Variants in RBFOX2 observed in about 807,000 individuals in gnomAD.
The protein encoded by RBFOX2 is RNA binding protein fox-1 homolog 2.
Under a neutral mutation model 49.1 loss-of-function variants are expected in RBFOX2, and 10 were observed. The observed-to-expected ratio is 0.20, with a 90% CI of 0.13 to 0.35. The LOEUF (loss-of-function observed/expected upper bound fraction) is 0.35. Ranked by LOEUF, RBFOX2 falls within the 10% of genes least tolerant of loss-of-function variation. The probability of loss-of-function intolerance (pLI) is 1.00; values close to 1 mark genes in which losing one functional copy is unlikely to be tolerated. For missense variants in RBFOX2, 323 were observed against 486.9 expected (o/e 0.66, Z 3.17); for synonymous variants, 183 against 187.4 (o/e 0.98, Z 0.19).
chr22:35,985,620 G>A (rs2057672848), intron 1 of RBFOX2, among the ~76,000 whole-genome samples: 1 of 152,162 alleles, frequency 6.6e-6, no homozygotes, highest in Non-Finnish European at 1.5e-5. Flanking sequence ...ATGTGTGGGA[G>A]CCACACCAAA....
At chr22:35,746,065 G>A in intron 10 of RBFOX2, 70 bp from the exon 13 acceptor site, 1 of 1,348,528 alleles carries the variant, frequency 7.4e-7, no homozygotes, top group Non-Finnish European at 1.1e-6. Flanking sequence ...AGGGATTACT[G>A]TGCTTTAAGA....
chr22:35,979,815 C>T (rs1053347714), intron 1 of RBFOX2, among the ~76,000 whole-genome samples: 1 of 152,180 alleles, frequency 6.6e-6, no homozygotes, highest in Non-Finnish European at 1.5e-5. Flanking sequence ...AAGGTTAAAA[C>T]GTGGTTCAAC....
chr22:35,960,327 C>G (rs78804361), intron 1 of RBFOX2, among the ~76,000 whole-genome samples: 1 of 152,134 alleles, frequency 6.6e-6, no homozygotes, highest in Non-Finnish European at 1.5e-5. Flanking sequence ...AGGAAGCCAA[C>G]GCACCAAGAG....
At position 35,948,298 on chromosome 22, in the gene RBFOX2, C is replaced by T. The variant is rs150155411; in HGVS notation, c.43-9401G>A. Among the ~76,000 whole-genome samples, 645 of 152,234 alleles carry T rather than the reference C, an allele frequency of 4.2e-3. 2 individuals carry two copies. Among genetic ancestry groups the T allele is most frequent in the Admixed American group, 7.1e-3 (108 of 15,278 alleles). ...TCATCAATTCCTGTTTGGCTAACAC[C>T]CTCAGTTCTTTCAATTTTCTTTACA... is the stretch of plus-strand genomic sequence containing the variant. On this transcript the variant is annotated intron_variant, in intron 1 of 5. Transcript: ENST00000408983.
intron 1 of RBFOX2, among the ~76,000 whole-genome samples, chr22:35,937,989 T>C (rs1275732911): frequency 6.6e-6 from 1 of 152,226 alleles, no homozygotes; most frequent in Non-Finnish European, 1.5e-5. Flanking sequence ...CTGTAACTCA[T>C]ATCTCCTGGA....
chr22:36,025,674 T>G (rs912128183), intron 1 of RBFOX2, among the ~76,000 whole-genome samples: 1 of 152,164 alleles, frequency 6.6e-6, no homozygotes, highest in African/African-American at 2.4e-5. Context: ...CCCATTTGTC[T>G]CCCCACATAG....
rs544553600 is a variant in RBFOX2, at chr22:35,777,782, G to A, written c.453+243C>T. The A allele has an allele frequency of 1.5e-4, 75 of 504,280 alleles. No homozygotes were observed. In the East Asian group the frequency reaches 2.1e-3, roughly 14 times the overall value. 31.2% of individuals were successfully genotyped at this position (504,280 alleles called of 1,614,324 possible). ...ATCTCCTACATCCTGTGTTCTTTACGTCCCACTCTTCCCTCAACCTTCTCT... is the reference window on the plus strand; with the variant it reads ...ATCTCCTACATCCTGTGTTCTTTACATCCCACTCTTCCCTCAACCTTCTCT... On this transcript the variant is annotated intron_variant, in intron 4 of 11. Coordinates refer to ENST00000405409, the Ensembl canonical transcript of RBFOX2.
chr22:35,989,747 G>A (rs930568324), intron 1 of RBFOX2, among the ~76,000 whole-genome samples: 7 of 152,130 alleles, frequency 4.6e-5, no homozygotes, highest in East Asian at 1.9e-4. Flanking sequence ...TTGGTGGCAC[G>A]AAGGTAAAGG....
intron 1 of RBFOX2, among the ~76,000 whole-genome samples, chr22:35,824,726 T>G (rs749176221): frequency 2.0e-5 from 3 of 152,248 alleles, no homozygotes; most frequent in Non-Finnish European, 2.9e-5. Context: ...ATTTTAATAG[T>G]TGTTTAGTAA....
At chr22:35,796,192 T>C (rs1948752867) in intron 2 of RBFOX2, among the ~76,000 whole-genome samples, 1 of 152,166 alleles carries the variant, frequency 6.6e-6, no homozygotes, top group South Asian at 2.1e-4. Flanking sequence ...GGAAACCCTT[T>C]TAACTCTTAA....
chr22:35,958,467 G>A (rs1203077665), intron 1 of RBFOX2, among the ~76,000 whole-genome samples: 1 of 152,142 alleles, frequency 6.6e-6, no homozygotes, highest in Non-Finnish European at 1.5e-5. Context: ...TAAGATCTGG[G>A]TAAAACTGGA....
intron 1 of RBFOX2, among the ~76,000 whole-genome samples, chr22:35,889,462 G>A (rs1242095111): frequency 1.3e-5 from 2 of 151,994 alleles, no homozygotes; most frequent in African/African-American, 4.8e-5. Flanking sequence ...ATAACATCCT[G>A]TCAATTTTAC....
chr22:35,760,907 C>T (rs538336567), intron 8 of RBFOX2, among the ~76,000 whole-genome samples: 77 of 152,228 alleles, frequency 5.1e-4, no homozygotes, highest in Admixed American at 3.4e-3. Flanking sequence ...GTATAATATG[C>T]TCTACACATA....
At chr22:35,858,456 G>A (rs1290690188) in intron 1 of RBFOX2, among the ~76,000 whole-genome samples, 3 of 152,060 alleles carry the variant, frequency 2.0e-5, no homozygotes, top group Non-Finnish European at 4.4e-5. Flanking sequence ...TTTGTTTTTA[G>A]ACATACTTAT....
intron 1 of RBFOX2, among the ~76,000 whole-genome samples, chr22:35,863,851 A>G (rs1030784515): frequency 8.5e-5 from 13 of 152,324 alleles, no homozygotes; most frequent in African/African-American, 3.1e-4. Flanking sequence ...CAGCTCTGAT[A>G]TGGAACTTCC....
At chr22:35,866,101 T>G (rs1474345060) in intron 1 of RBFOX2, among the ~76,000 whole-genome samples, 1 of 152,164 alleles carries the variant, frequency 6.6e-6, no homozygotes, top group East Asian at 1.9e-4. Flanking sequence ...TTAAGTAAAA[T>G]TTCTCAAAAG....
intron 1 of RBFOX2, among the ~76,000 whole-genome samples, chr22:35,961,279 G>A (rs1445259635): frequency 6.6e-6 from 1 of 152,036 alleles, no homozygotes; most frequent in Non-Finnish European, 1.5e-5. Context: ...AGGGATAAAG[G>A]CACACACAAA....
intron 1 of RBFOX2, among the ~76,000 whole-genome samples, chr22:35,910,137 C>G (rs2049622877): frequency 6.6e-6 from 1 of 152,060 alleles, no homozygotes; most frequent in African/African-American, 2.4e-5. Context: ...TGAAAAAAAG[C>G]CAATGAAGTC....
chr22:35,801,428 TACAC>T (rs10623033), intron 2 of RBFOX2, among the ~76,000 whole-genome samples: 73 of 143,606 alleles, frequency 5.1e-4, no homozygotes, highest in African/African-American at 1.7e-3. Flanking sequence ...ATACAACACA[TACAC>T]ACACACACAC....
Sources: allele counts gnomAD v4.1 joint callset (sites outside exome capture counted in the v4.1 genomes callset), GRCh38; gene constraint gnomAD v4.1.1; transcripts MANE v1.5; gene names NCBI Gene and HGNC (gene_info 2026-07-23, HGNC 2026-07-21).